Variants in SLC2A13 observed in about 807,000 individuals in gnomAD.
The protein encoded by SLC2A13 is proton myo-inositol cotransporter.
Under a neutral mutation model 64.4 loss-of-function variants are expected in SLC2A13, and 32 were observed. The observed-to-expected ratio is 0.50, with a 90% CI of 0.37 to 0.67. The LOEUF is 0.67. Among genes scored for constraint, SLC2A13 ranks in the 30% least tolerant of loss-of-function variants. SLC2A13 has a pLI of 0.00. For synonymous variants in SLC2A13, 338 were observed against 327.1 expected, an observed-to-expected ratio of 1.03 and a Z score of -0.36; for missense variants, 743 against 829.2, an observed-to-expected ratio of 0.90 and a Z score of 1.28.
chr12:39,765,923 T>A (rs1940333340), intron 7 of SLC2A13, among the ~76,000 whole-genome samples: 1 of 152,086 alleles, frequency 6.6e-6, no homozygotes, highest in African/African-American at 2.4e-5. Context: ...TTTCCTTCTC[T>A]GTGTCCATGT....
intron 7 of SLC2A13, among the ~76,000 whole-genome samples, chr12:39,776,282 C>T (rs796354150): frequency 6.3e-5 from 5 of 79,606 alleles, no homozygotes; most frequent in South Asian, 4.0e-4. Flanking sequence ...CACTGCTTCC[C>T]CGCTTAGGAG....
At chr12:40,013,438 T>C (rs1364370237) in intron 3 of SLC2A13, among the ~76,000 whole-genome samples, 1 of 152,170 alleles carries the variant, frequency 6.6e-6, no homozygotes, top group Admixed American at 6.5e-5. Context: ...ATTACAACTA[T>C]CTCCATGCTA....
At chr12:39,958,855 AT>A in intron 3 of SLC2A13, among the ~76,000 whole-genome samples, 1 of 151,780 alleles carries the variant, frequency 6.6e-6, no homozygotes, top group Non-Finnish European at 1.5e-5. Context: ...CTCCTGGCTA[AT>A]TTGTTTTGGG....
chr12:40,006,332 T>C (rs1282595778), intron 3 of SLC2A13, among the ~76,000 whole-genome samples: 1 of 152,236 alleles, frequency 6.6e-6, no homozygotes, highest in African/African-American at 2.4e-5. Context: ...CTCTGTCTTC[T>C]ATCAGCTGTA....
intron 3 of SLC2A13, among the ~76,000 whole-genome samples, chr12:39,997,497 A>T (rs1318679309): frequency 2.6e-5 from 4 of 152,178 alleles, no homozygotes; most frequent in Admixed American, 6.5e-5. Flanking sequence ...GGAAATGCAA[A>T]TCAAAACCAT....
At chr12:39,891,561 T>C (rs1944609319) in intron 4 of SLC2A13, among the ~76,000 whole-genome samples, 1 of 152,188 alleles carries the variant, frequency 6.6e-6, no homozygotes, top group Non-Finnish European at 1.5e-5. Context: ...TGAAATGCAT[T>C]GCTTCCTGAG....
chr12:39,977,187 G>A (rs948125992), intron 3 of SLC2A13, among the ~76,000 whole-genome samples: 1 of 152,164 alleles, frequency 6.6e-6, no homozygotes, highest in African/African-American at 2.4e-5. Flanking sequence ...TGCTCCCTAA[G>A]AGGTTTGTAG....
At chr12:39,978,742 G>T (rs1312131074) in intron 3 of SLC2A13, among the ~76,000 whole-genome samples, 1 of 152,186 alleles carries the variant, frequency 6.6e-6, no homozygotes, top group Non-Finnish European at 1.5e-5. Flanking sequence ...AGCAAGGCTG[G>T]GGGAGAGGCG....
At chr12:39,962,036 C>G (rs1249978790) in intron 3 of SLC2A13, among the ~76,000 whole-genome samples, 1 of 152,220 alleles carries the variant, frequency 6.6e-6, no homozygotes, top group East Asian at 1.9e-4. Context: ...AATGCCTTTT[C>G]TCCCTCTATG....
chr12:39,885,959 A>G (rs1944455123), intron 4 of SLC2A13, among the ~76,000 whole-genome samples: 1 of 152,186 alleles, frequency 6.6e-6, no homozygotes, highest in Non-Finnish European at 1.5e-5. Context: ...CTCCAGAGCA[A>G]ATGTTTTGTA....
chr12:40,093,236 C>A (rs1016943621), intron 1 of SLC2A13, among the ~76,000 whole-genome samples: 5 of 152,182 alleles, frequency 3.3e-5, no homozygotes, highest in Non-Finnish European at 7.4e-5. Context: ...AAGTTTGAAA[C>A]CATAGAGTAG....
In SLC2A13 at chr12:40,018,679, G is replaced by A. The variant is rs1203105545; in HGVS notation, c.925+9622C>T. On this transcript the variant is annotated intron_variant, in intron 3 of 9. Transcript: ENST00000280871. ...CAGAGAAAACTCCTAATATGTTACT[G>A]CTTTTCAAATTTAATATAATTCTTT... 1.4e-4 allele frequency among the ~76,000 whole-genome samples: 22 copies of A among 152,168 alleles called. 1 individual carries two copies. Among genetic ancestry groups the A allele is most frequent in the Admixed American group, 1.4e-3 (22 of 15,274 alleles).
intron 4 of SLC2A13, among the ~76,000 whole-genome samples, chr12:39,934,753 G>T (rs972390457): frequency 2.6e-4 from 40 of 152,292 alleles, no homozygotes; most frequent in African/African-American, 9.6e-4. Flanking sequence ...GGTACTGAGT[G>T]TTTTTTCAAA....
At chr12:39,876,315 T>A (rs1944183184) in intron 4 of SLC2A13, among the ~76,000 whole-genome samples, 1 of 152,230 alleles carries the variant, frequency 6.6e-6, no homozygotes. Context: ...ATCCTAATGC[T>A]GACTTTTAAC....
chr12:39,839,702 A>G (rs1335924114), intron 6 of SLC2A13, among the ~76,000 whole-genome samples: 1 of 151,732 alleles, frequency 6.6e-6, no homozygotes, highest in African/African-American at 2.4e-5. Flanking sequence ...ATCTACTTTC[A>G]TTGCTTTGCT....
chr12:39,829,973 G>T, intron 7 of SLC2A13, 130 bp downstream of exon 7: 2 of 1,128,740 alleles, frequency 1.8e-6, no homozygotes, highest in Non-Finnish European at 2.6e-6. Flanking sequence ...ACCAGTATAT[G>T]CTGCAAAGTA....
At chr12:39,987,103 A>G (rs1242940994) in intron 3 of SLC2A13, among the ~76,000 whole-genome samples, 1 of 152,206 alleles carries the variant, frequency 6.6e-6, no homozygotes, top group Non-Finnish European at 1.5e-5. Context: ...TCCCTGGACA[A>G]AGCCTAAGTT....
At chr12:39,942,559 C>G (rs182532683) in intron 4 of SLC2A13, among the ~76,000 whole-genome samples, 1 of 152,158 alleles carries the variant, frequency 6.6e-6, no homozygotes, top group African/African-American at 2.4e-5. Context: ...GTATATTAAT[C>G]TTGTACCAGG....
At chr12:40,081,394 T>A (rs1038003470) in intron 1 of SLC2A13, among the ~76,000 whole-genome samples, 6 of 152,218 alleles carry the variant, frequency 3.9e-5, no homozygotes, top group Non-Finnish European at 1.5e-5. Context: ...TTTGTTCATT[T>A]TTATTTTTTT....
Sources: allele counts gnomAD v4.1 joint callset (sites outside exome capture counted in the v4.1 genomes callset), GRCh38; gene constraint gnomAD v4.1.1; transcripts MANE v1.5; gene names NCBI Gene and HGNC (gene_info 2026-07-23, HGNC 2026-07-21).